The following DENND1A variants were observed in gnomAD, a reference collection of about 807,000 sequenced individuals.
DENND1A encodes the protein DENN domain-containing protein 1A.
In DENND1A, 51 loss-of-function variants were observed where a neutral mutation model predicts 113.7. The ratio of observed to expected loss-of-function variants is 0.45; its 90% CI spans 0.36 to 0.57. The LOEUF is 0.57. Among genes scored for constraint, DENND1A ranks in the 20% least tolerant of loss-of-function variants. The pLI is 0.00. For missense variants in DENND1A, 1,258 were observed against 1,395.9 expected (o/e 0.90, Z 1.57); for synonymous variants, 565 against 570.8 (o/e 0.99, Z 0.14).
At chr9:123,630,282 G>T in intron 10 of DENND1A, 94 bp downstream of exon 10, 36 of 333,964 alleles carry the variant, frequency 1.1e-4, no homozygotes, top group East Asian at 9.5e-4. Flanking sequence ...TATTTTTAAT[G>T]TAGAGTCACC....
chr9:123,592,030 A>T (rs1431679985), intron 11 of DENND1A, among the ~76,000 whole-genome samples: 1 of 152,150 alleles, frequency 6.6e-6, no homozygotes, highest in African/African-American at 2.4e-5. Flanking sequence ...TCTGAGCCTC[A>T]GTGTTCTTAT....
intron 3 of DENND1A, among the ~76,000 whole-genome samples, chr9:123,778,172 C>A: frequency 6.6e-6 from 1 of 152,138 alleles, no homozygotes; most frequent in Non-Finnish European, 1.5e-5. Context: ...AGAAGTCCAG[C>A]AAAATACAAT....
intron 3 of DENND1A, among the ~76,000 whole-genome samples, chr9:123,777,325 AT>A (rs1416918611): frequency 1.3e-5 from 2 of 152,134 alleles, no homozygotes. Context: ...ATCCCCCTAG[AT>A]AGTTGGGATT....
At chr9:123,536,839 A>G (rs2135481879) in intron 13 of DENND1A, among the ~76,000 whole-genome samples, 1 of 152,296 alleles carries the variant, frequency 6.6e-6, no homozygotes, top group East Asian at 1.9e-4. Context: ...CAGCTGTCAC[A>G]TTATTGACCA....
intron 13 of DENND1A, among the ~76,000 whole-genome samples, chr9:123,556,095 C>CACTTGA (rs1173016077): frequency 6.6e-6 from 1 of 152,198 alleles, no homozygotes; most frequent in African/African-American, 2.4e-5. Context: ...CACTTTGAGA[C>CACTTGA]TAGCAGGACA....
chr9:123,390,413 T>C (rs576172006), intron 21 of DENND1A, among the ~76,000 whole-genome samples: 2 of 152,276 alleles, frequency 1.3e-5, no homozygotes, highest in Admixed American at 1.3e-4. Flanking sequence ...AATGGGACGA[T>C]GTTTGAAGGT....
chr9:123,777,826 A>T (rs1006632364), intron 3 of DENND1A, among the ~76,000 whole-genome samples: 1 of 152,376 alleles, frequency 6.6e-6, no homozygotes, highest in South Asian at 2.1e-4. Flanking sequence ...AAATGTAAAT[A>T]TCAAATCTGC....
At position 123,719,056 on chromosome 9, in the gene DENND1A, C is replaced by T. The variant is rs117968484; in HGVS notation, c.302+38647G>A. Among the ~76,000 whole-genome samples the T allele has an allele frequency of 3.3e-3, 505 of 152,246 alleles. 2 individuals carry two copies. The highest frequency in any genetic ancestry group is 0.017 in the Middle Eastern group (5 of 294). ...GGTTCTCATTCTCTCTCTTGCCTGC[C>T]GCCATGTAAGAAGTGCCTTTGACCT... On this transcript the variant is annotated intron_variant, in intron 5 of 23. Transcript: ENST00000394215.
At chr9:123,752,622 T>C (rs1464603779) in intron 5 of DENND1A, among the ~76,000 whole-genome samples, 4 of 152,234 alleles carry the variant, frequency 2.6e-5, no homozygotes, top group Non-Finnish European at 5.9e-5. Context: ...GTGTTCCTTC[T>C]GTTGATCCAG....
intron 5 of DENND1A, among the ~76,000 whole-genome samples, chr9:123,687,566 A>G (rs2064889835): frequency 6.6e-6 from 1 of 152,242 alleles, no homozygotes; most frequent in Non-Finnish European, 1.5e-5. Context: ...GCTGATGTTC[A>G]AAGCCTCCTT....
intron 18 of DENND1A, among the ~76,000 whole-genome samples, chr9:123,446,794 C>T (rs1231757607): frequency 5.9e-5 from 9 of 151,898 alleles, no homozygotes; most frequent in African/African-American, 1.9e-4. Context: ...CAGAGTGAGA[C>T]CCTGTTTCAA....
At chr9:123,614,767 T>C (rs1031219253) in intron 10 of DENND1A, among the ~76,000 whole-genome samples, 1 of 152,144 alleles carries the variant, frequency 6.6e-6, no homozygotes, top group African/African-American at 2.4e-5. Flanking sequence ...CACGTTACAA[T>C]ATACACATCA....
chr9:123,845,589 G>A (rs986059917), intron 2 of DENND1A, among the ~76,000 whole-genome samples: 1 of 145,894 alleles, frequency 6.9e-6, no homozygotes, highest in African/African-American at 2.6e-5. Context: ...AAGATTGTTT[G>A]AGCCTGGGAA....
intron 5 of DENND1A, among the ~76,000 whole-genome samples, chr9:123,697,428 T>C (rs958835557): frequency 1.3e-5 from 2 of 152,206 alleles, no homozygotes; most frequent in South Asian, 2.1e-4. Flanking sequence ...GTACAGGTGG[T>C]ACTTGGTTAC....
intron 5 of DENND1A, among the ~76,000 whole-genome samples, chr9:123,705,318 G>A (rs1468453486): frequency 3.3e-5 from 5 of 152,100 alleles, no homozygotes; most frequent in African/African-American, 1.2e-4. Flanking sequence ...TCTGCTCAAC[G>A]TTGTACTGAA....
chr9:123,929,840 CTCGCCGCCCCGCGCCCGGCCCGGCT>C (rs1269049902), intron 1 of DENND1A, 24 bp downstream of exon 1: 2 of 231,556 alleles, frequency 8.6e-6, no homozygotes, highest in African/African-American at 2.4e-5. Context: ...CTGGCCCGGC[CTCGCCGCCCCGCGCCCGGCCCGGCT>C]CCGCCCGGCC....
intron 5 of DENND1A, among the ~76,000 whole-genome samples, chr9:123,754,691 C>T (rs977823662): frequency 6.6e-6 from 1 of 152,134 alleles, no homozygotes; most frequent in African/African-American, 2.4e-5. Flanking sequence ...TGAATTAACC[C>T]ACCGAATTTT....
chr9:123,818,517 TATAC>T (rs1489608942), intron 2 of DENND1A, among the ~76,000 whole-genome samples: 1,610 of 123,008 alleles, frequency 0.013, 34 homozygotes, highest in African/African-American at 0.043. Flanking sequence ...TATACATACA[TATAC>T]ACACACACAC....
chr9:123,625,359 A>G lies in DENND1A; in HGVS notation c.719+5017T>C, dbSNP rs993920304. Among the ~76,000 whole-genome samples, 5 of 152,372 alleles carry G rather than the reference A, an allele frequency of 3.3e-5. No homozygotes were observed. In the East Asian group the frequency reaches 9.6e-4, roughly 29 times the overall value. On this transcript the variant is annotated intron_variant, in intron 10 of 23. Transcript: ENST00000394215. ...TATCTTCATCACTTATGTTACTGAC[A>G]GAGCATTTTCCCCTCCACAGTTCCA...
Sources: allele counts gnomAD v4.1 joint callset (sites outside exome capture counted in the v4.1 genomes callset), GRCh38; gene constraint gnomAD v4.1.1; transcripts MANE v1.5; gene names NCBI Gene and HGNC (gene_info 2026-07-23, HGNC 2026-07-21).